Variants in RNF38 observed in about 807,000 individuals in gnomAD.
RNF38 encodes ring finger protein 38.
In RNF38, 15 loss-of-function variants were observed where a neutral mutation model predicts 67.2. The observed-to-expected ratio is 0.22, with a 90% CI of 0.15 to 0.34. The LOEUF (loss-of-function observed/expected upper bound fraction) is 0.34. Among genes scored for constraint, RNF38 ranks in the 10% least tolerant of loss-of-function variants. The pLI is 1.00. For synonymous variants in RNF38, 220 were observed against 218.8 expected (o/e 1.01, Z -0.05); for missense variants, 524 against 639.9 (o/e 0.82, Z 1.95).
intron 1 of RNF38, among the ~76,000 whole-genome samples, chr9:36,399,766 T>C (rs1470765732): frequency 1.3e-5 from 2 of 152,074 alleles, no homozygotes; most frequent in Non-Finnish European, 2.9e-5. Context: ...ACTGTCCCTA[T>C]AAAAGGGAAT....
chr9:36,466,830 T>C (rs1272678134), intron 1 of RNF38, among the ~76,000 whole-genome samples: 2 of 151,988 alleles, frequency 1.3e-5, no homozygotes, highest in Non-Finnish European at 2.9e-5. Flanking sequence ...AATTTTGCCA[T>C]GTATATTTTT....
At chr9:36,453,695 T>G (rs1411162756) in intron 1 of RNF38, among the ~76,000 whole-genome samples, 3 of 152,132 alleles carry the variant, frequency 2.0e-5, no homozygotes, top group Non-Finnish European at 2.9e-5. Context: ...GAGCTAAGTT[T>G]TAAAAAATTT....
intron 1 of RNF38, among the ~76,000 whole-genome samples, chr9:36,428,474 T>TAC (rs937172174): frequency 1.9e-4 from 26 of 138,786 alleles, no homozygotes; most frequent in African/African-American, 5.8e-4. Context: ...TATATATATA[T>TAC]ACACGTATAA....
At chr9:36,362,137 G>A (rs756065126) in intron 4 of RNF38, among the ~76,000 whole-genome samples, 33 of 152,062 alleles carry the variant, frequency 2.2e-4, no homozygotes, top group Non-Finnish European at 3.5e-4. Context: ...TGGGTGGATC[G>A]CCTGAGGTCA....
At chr9:36,431,977 G>C (rs2134265533) in intron 1 of RNF38, among the ~76,000 whole-genome samples, 1 of 152,102 alleles carries the variant, frequency 6.6e-6, no homozygotes, top group Non-Finnish European at 1.5e-5. Context: ...AAATTCCTAG[G>C]GTTTTAGGAC....
rs931945738 is a variant in RNF38 at position 36,338,225 on chromosome 9, T to C, written c.*1527A>G. ...CTGGAAAAATGACTTTAAAGTGAAT[T>C]ATGCTCAAAGAACTTACTAAAAAAA... is the stretch of plus-strand genomic sequence containing the variant. On this transcript the variant is annotated 3_prime_UTR_variant, in exon 12 of 12. Transcript: ENST00000259605. 1 of 152,190 alleles carries C rather than the reference T, an allele frequency of 6.6e-6. No individual in the cohort carries two copies. The highest frequency in any genetic ancestry group is 2.1e-4 in the South Asian group (1 of 4,830). 9.4% of individuals were successfully genotyped at this position (152,190 alleles called of 1,614,324 possible). A position where few individuals can be genotyped will look rare whatever the true frequency, so the allele number is the denominator to read the frequency against.
intron 1 of RNF38, among the ~76,000 whole-genome samples, chr9:36,442,167 T>C (rs1376586149): frequency 6.6e-6 from 1 of 152,198 alleles, no homozygotes; most frequent in African/African-American, 2.4e-5. Context: ...TCAAACCGGC[T>C]GTCAACTTCC....
At chr9:36,484,024 A>G (rs1840340905) in intron 1 of RNF38, among the ~76,000 whole-genome samples, 1 of 152,216 alleles carries the variant, frequency 6.6e-6, no homozygotes, top group African/African-American at 2.4e-5. Context: ...CATCCCAGTC[A>G]TCCAGGAGTG....
chr9:36,428,687 G>A (rs1838852174), intron 1 of RNF38, among the ~76,000 whole-genome samples: 1 of 152,088 alleles, frequency 6.6e-6, no homozygotes, highest in Non-Finnish European at 1.5e-5. Context: ...AGTGAAGCAA[G>A]GGGCATATGA....
intron 3 of RNF38, among the ~76,000 whole-genome samples, chr9:36,373,710 G>A (rs944893327): frequency 6.6e-6 from 1 of 151,812 alleles, no homozygotes; most frequent in South Asian, 2.1e-4. Flanking sequence ...CTTGACTTCA[G>A]GTGATCCGCC....
At chr9:36,382,573 T>C (rs1349892394) in intron 2 of RNF38, among the ~76,000 whole-genome samples, 1 of 152,202 alleles carries the variant, frequency 6.6e-6, no homozygotes. Flanking sequence ...GTCTTAGAGA[T>C]AATAGGAGAT....
At chr9:36,463,279 T>G (rs1839778875) in intron 1 of RNF38, among the ~76,000 whole-genome samples, 1 of 152,160 alleles carries the variant, frequency 6.6e-6, no homozygotes, top group African/African-American at 2.4e-5. Flanking sequence ...AGACACTCAT[T>G]TGTTTCTTGC....
At chr9:36,397,801 A>G (rs1332678391) in intron 1 of RNF38, among the ~76,000 whole-genome samples, 1 of 152,244 alleles carries the variant, frequency 6.6e-6, no homozygotes, top group African/African-American at 2.4e-5. Flanking sequence ...CTTCCCTTCC[A>G]AAATCTAAAT....
intron 2 of RNF38, among the ~76,000 whole-genome samples, chr9:36,413,141 C>T (rs1225688964): frequency 6.6e-6 from 1 of 151,148 alleles, no homozygotes; most frequent in Non-Finnish European, 1.5e-5. Context: ...AGGCAGGAGA[C>T]TCATTTGAAC....
At chr9:36,360,430 T>G (rs1200110249) in intron 4 of RNF38, among the ~76,000 whole-genome samples, 1 of 152,192 alleles carries the variant, frequency 6.6e-6, no homozygotes, top group Admixed American at 6.5e-5. Context: ...TTATCTGAAA[T>G]GCATGGGACC....
intron 2 of RNF38, among the ~76,000 whole-genome samples, chr9:36,389,431 C>T (rs1384096514): frequency 6.6e-6 from 1 of 151,708 alleles, no homozygotes; most frequent in South Asian, 2.1e-4. Context: ...AGACAAGATA[C>T]AGCTAAAGTT....
chr9:36,446,790 AGAGT>A (rs1839310692), intron 1 of RNF38, among the ~76,000 whole-genome samples: 1 of 133,324 alleles, frequency 7.5e-6, no homozygotes, highest in Non-Finnish European at 1.6e-5. Flanking sequence ...CCTGGGCGAC[AGAGT>A]GAGACTCCGC....
chr9:36,414,032 G>C (rs569181002), intron 2 of RNF38, among the ~76,000 whole-genome samples: 70 of 152,258 alleles, frequency 4.6e-4, no homozygotes, highest in African/African-American at 1.6e-3. Flanking sequence ...TGTTTCGTCT[G>C]ATATAAGGAT....
At chr9:36,424,400 A>G (rs186432754) in intron 2 of RNF38, among the ~76,000 whole-genome samples, 7 of 152,278 alleles carry the variant, frequency 4.6e-5, no homozygotes, top group African/African-American at 1.7e-4. Flanking sequence ...GTGTTGATCA[A>G]AAGTCCAACC....
Sources: gnomAD v4.1 joint callset for allele counts (sites outside exome capture counted in the v4.1 genomes callset) on GRCh38, gnomAD v4.1.1 for gene constraint, MANE v1.5 for transcripts, NCBI Gene and HGNC (gene_info 2026-07-23, HGNC 2026-07-21) for gene names.